ADGRV1: variants seen among roughly 807,000 people sequenced by gnomAD.
ADGRV1 encodes G-protein coupled receptor 98.
ADGRV1 carries 359 observed loss-of-function variants against 596.2 expected under a neutral mutation model. The ratio of observed to expected loss-of-function variants is 0.60; its 90% CI spans 0.55 to 0.66. The LOEUF (loss-of-function observed/expected upper bound fraction) is 0.66. ADGRV1 is among the 30% of genes least tolerant of loss of function. ADGRV1 has a pLI of 0.00. For synonymous variants in ADGRV1, 2,681 were observed against 2,679.2 expected, an observed-to-expected ratio of 1.00 and a Z score of -0.02; for missense variants, 7,274 against 7,575.6, an observed-to-expected ratio of 0.96 and a Z score of 1.48.
intron 59 of ADGRV1, among the ~76,000 whole-genome samples, chr5:90,771,034 T>G (rs527255588): frequency 1.3e-5 from 2 of 152,324 alleles, no homozygotes; most frequent in Admixed American, 1.3e-4. Context: ...TTCCCCTTAG[T>G]ATTTGATACT....
rs561904740 is a variant in ADGRV1, at chr5:90,840,503, T to C, written c.16612-75T>C. On this transcript the variant is annotated intron_variant, in intron 77 of 89. Coordinates refer to ENST00000405460, the MANE Select transcript of ADGRV1 (RefSeq NM_032119.4). ...TTGTTTAAGAGAAATTGAATTTGTT[T>C]AAGAAACAAGAATTTGTTTAGGACA... is the stretch of plus-strand genomic sequence containing the variant. The C allele has an allele frequency of 1.7e-5, 22 of 1,295,936 alleles. No individual in the cohort carries two copies. The South Asian group carries it at 2.8e-4, about 16-fold the overall frequency. The allele number at this position is 1,295,936 out of a possible 1,614,324, so 80.3% of individuals were successfully genotyped here. A position where few individuals can be genotyped will look rare whatever the true frequency, so the allele number is the denominator to read the frequency against.
chr5:90,597,810 C>A (rs1161265391), intron 1 of ADGRV1, among the ~76,000 whole-genome samples: 1 of 151,960 alleles, frequency 6.6e-6, no homozygotes, highest in East Asian at 1.9e-4. Context: ...AGAATGAGGT[C>A]AGAAGCATAG....
At chr5:90,716,916 C>A (rs1750189697) in intron 43 of ADGRV1, 187 bp downstream of exon 43, 2 of 441,908 alleles carry the variant, frequency 4.5e-6, no homozygotes, top group Non-Finnish European at 8.0e-6. Flanking sequence ...TAAAGCGCAA[C>A]TGGAAAAATT....
chr5:90,743,675 G>A (rs1326250716), intron 50 of ADGRV1, among the ~76,000 whole-genome samples: 4 of 151,950 alleles, frequency 2.6e-5, no homozygotes, highest in Non-Finnish European at 5.9e-5. Flanking sequence ...GTTTCACCAT[G>A]TTAGCCAGGA....
chr5:90,820,797 A>G (rs1303283519), intron 75 of ADGRV1, among the ~76,000 whole-genome samples: 1 of 151,956 alleles, frequency 6.6e-6, no homozygotes, highest in Non-Finnish European at 1.5e-5. Flanking sequence ...TGTTAGTCTG[A>G]TGGGCTTCCC....
At chr5:90,597,493 A>T (rs993264588) in intron 1 of ADGRV1, among the ~76,000 whole-genome samples, 15 of 152,214 alleles carry the variant, frequency 9.9e-5, no homozygotes, top group African/African-American at 3.4e-4. Context: ...CATTGCATAG[A>T]CCACACTGGG....
At chr5:90,878,178 C>A (rs1026596805) in intron 83 of ADGRV1, among the ~76,000 whole-genome samples, 1 of 152,172 alleles carries the variant, frequency 6.6e-6, no homozygotes, top group Non-Finnish European at 1.5e-5. Context: ...AGACTTCCGT[C>A]AGAATTGGCT....
intron 83 of ADGRV1, among the ~76,000 whole-genome samples, chr5:90,948,371 C>T (rs1429675315): frequency 6.6e-6 from 1 of 151,916 alleles, no homozygotes; most frequent in East Asian, 1.9e-4. Flanking sequence ...ACCACGGAAC[C>T]TAAGTTAAAG....
chr5:91,004,296 C>T (rs140001716), intron 85 of ADGRV1, among the ~76,000 whole-genome samples: 8 of 152,142 alleles, frequency 5.3e-5, no homozygotes, highest in Non-Finnish European at 1.2e-4. Context: ...ATGTAGCATG[C>T]AGGACAGTTT....
At chr5:91,115,984 C>T (rs919628160) in intron 87 of ADGRV1, among the ~76,000 whole-genome samples, 9 of 151,704 alleles carry the variant, frequency 5.9e-5, no homozygotes, top group African/African-American at 2.2e-4. Context: ...ACTAATAACA[C>T]AAAGGGCAAC....
chr5:90,991,790 C>T (rs749741321), intron 85 of ADGRV1, among the ~76,000 whole-genome samples: 1 of 152,050 alleles, frequency 6.6e-6, no homozygotes, highest in African/African-American at 2.4e-5. Flanking sequence ...TAAATTAGAA[C>T]TAAGTAGAAG....
At chr5:90,562,453 G>A (rs1288557041) in intron 1 of ADGRV1, among the ~76,000 whole-genome samples, 1 of 152,156 alleles carries the variant, frequency 6.6e-6, no homozygotes, top group African/African-American at 2.4e-5. Flanking sequence ...CAGAGGAGGA[G>A]AAGGGTGGAG....
At chr5:90,765,136 C>T (rs1224095441) in intron 59 of ADGRV1, among the ~76,000 whole-genome samples, 2 of 152,092 alleles carry the variant, frequency 1.3e-5, no homozygotes, top group Non-Finnish European at 2.9e-5. Flanking sequence ...TGGCTCTCTT[C>T]CCCCAGTTTT....
chr5:90,925,667 T>G (rs1774359198), intron 83 of ADGRV1, among the ~76,000 whole-genome samples: 2 of 146,754 alleles, frequency 1.4e-5, no homozygotes, highest in Admixed American at 1.4e-4. Flanking sequence ...TCCAACACTA[T>G]GTTGAATAGG....
intron 21 of ADGRV1, among the ~76,000 whole-genome samples, chr5:90,670,857 A>C (rs1772360336): frequency 6.6e-6 from 1 of 152,222 alleles, no homozygotes; most frequent in South Asian, 2.1e-4. Flanking sequence ...TGGCTAATGT[A>C]TTTACTTTAG....
At chr5:90,904,855 C>T (rs75771516) in intron 83 of ADGRV1, among the ~76,000 whole-genome samples, 3,983 of 151,894 alleles carry the variant, frequency 0.026, 165 homozygotes, top group African/African-American at 0.091. Context: ...CTTGTCAGAA[C>T]TTCATAGTTT....
chr5:91,079,027 AT>A (rs1037494891), intron 86 of ADGRV1, among the ~76,000 whole-genome samples: 31 of 152,106 alleles, frequency 2.0e-4, no homozygotes, highest in African/African-American at 7.2e-4. Context: ...ACATGATATG[AT>A]TTTTTTTCCT....
At chr5:90,743,992 AT>A (rs1236286932) in intron 50 of ADGRV1, among the ~76,000 whole-genome samples, 1 of 10,436 alleles carries the variant, frequency 9.6e-5, no homozygotes, top group Non-Finnish European at 1.4e-4. Context: ...ATTAACTGAT[AT>A]ATATATATAC....
intron 83 of ADGRV1, among the ~76,000 whole-genome samples, chr5:90,928,040 C>A (rs1010295118): frequency 5.9e-5 from 9 of 152,200 alleles, no homozygotes; most frequent in South Asian, 2.1e-4. Flanking sequence ...GGTAACCCGA[C>A]CTTTCTCTCT....
Sources: allele counts gnomAD v4.1 joint callset (sites outside exome capture counted in the v4.1 genomes callset), GRCh38; gene constraint gnomAD v4.1.1; transcripts MANE v1.5; gene names NCBI Gene and HGNC (gene_info 2026-07-23, HGNC 2026-07-21).